MYRF: variants seen among roughly 807,000 people sequenced by gnomAD.
MYRF encodes the protein myelin gene regulatory factor.
A neutral mutation model predicts 126.3 loss-of-function variants in MYRF; 16 were observed. The ratio of observed to expected loss-of-function variants is 0.13; its 90% CI spans 0.09 to 0.19. The LOEUF (loss-of-function observed/expected upper bound fraction) is 0.19. Among genes scored for constraint, MYRF ranks in the 10% least tolerant of loss-of-function variants. The pLI is 1.00. For synonymous variants in MYRF, 608 were observed against 635.3 expected (o/e 0.96, Z 0.65); for missense variants, 1,104 against 1,547.0 (o/e 0.71, Z 4.80).
intron 4 of MYRF, among the ~76,000 whole-genome samples, chr11:61,770,008 G>A (rs891943298): frequency 6.6e-6 from 1 of 152,056 alleles, no homozygotes; most frequent in Non-Finnish European, 1.5e-5. Flanking sequence ...CAGCCTGGGG[G>A]CAGGAGGTGG....
chr11:61,768,331 A>C (rs1489888334), intron 3 of MYRF, among the ~76,000 whole-genome samples: 1 of 152,192 alleles, frequency 6.6e-6, no homozygotes, highest in Non-Finnish European at 1.5e-5. Context: ...TTAACACATT[A>C]CAGAAGGCCT....
rs2135877453 is a variant in MYRF, at chr11:61,781,700, C to T, written c.2892C>T (p.Pro964=). The part of the protein sequence containing the change: ...SLEPLASPAV[P]FPGGQGKAKN... ...AGCCTCTGGCCAGCCCTGCAGTCCCCTTCCCTGGGGGGCAGGGCAAAGCCA... is the reference window on the plus strand; with the variant it reads ...AGCCTCTGGCCAGCCCTGCAGTCCCTTTCCCTGGGGGGCAGGGCAAAGCCA... The change falls in exon 22 of 27, where the codon CCC becomes CCT. Residue 964 remains proline (P), a synonymous_variant. Transcript: ENST00000278836. 2 of 1,613,580 alleles carry T rather than the reference C, an allele frequency of 1.2e-6. No homozygotes were observed. Among genetic ancestry groups the T allele is most frequent in the East Asian group, 2.2e-5 (1 of 44,884 alleles).
rs149402631 is a variant in MYRF, at chr11:61,771,017, G to C, written c.741-483G>C. ...GTTTAGTTCAAAGGAAGGTTCTGCT[G>C]TCAAAACATTTTGTAAACCAGAAGG... On this transcript the variant is annotated intron_variant, in intron 5 of 26. Transcript: ENST00000278836. Among the ~76,000 whole-genome samples the C allele has an allele frequency of 3.0e-3, 453 of 152,344 alleles. 2 individuals carry two copies. Among genetic ancestry groups the C allele is most frequent in the Middle Eastern group, 0.024 (7 of 294 alleles).
chr11:61,755,439 G>T, intron 1 of MYRF: 1 of 1,610,436 alleles, frequency 6.2e-7, no homozygotes. Context: ...CTGGCTTCCA[G>T]CAGGTAACCG....
intron 1 of MYRF, among the ~76,000 whole-genome samples, chr11:61,753,661 C>T (rs745759561): frequency 2.6e-5 from 4 of 151,818 alleles, no homozygotes; most frequent in African/African-American, 9.7e-5. Flanking sequence ...CCCACTTGAC[C>T]GAAAGGAGCC....
chr11:61,779,184 T>C, intron 14 of MYRF, 79 bp from the exon 15 acceptor site: 1 of 1,446,258 alleles, frequency 6.9e-7, no homozygotes, highest in African/African-American at 1.4e-5. Flanking sequence ...TGCCCCCTGA[T>C]GTCTGGCAGC....
chr11:61,774,192 G>A (rs1262474744), intron 8 of MYRF, 30 bp downstream of exon 8: 3 of 1,571,812 alleles, frequency 1.9e-6, no homozygotes, highest in Admixed American at 3.6e-5. Flanking sequence ...AGGAAGGGAG[G>A]GCAGGAGGGC....
At chr11:61,755,831 C>G (rs2065736445) in intron 1 of MYRF, 2 of 472,346 alleles carry the variant, frequency 4.2e-6, no homozygotes, top group Admixed American at 4.8e-5. Flanking sequence ...GTGCAGGGAG[C>G]CTTGGAGGAT....
chr11:61,755,503 G>C (rs1386449940), intron 1 of MYRF: 1 of 1,583,976 alleles, frequency 6.3e-7, no homozygotes, highest in African/African-American at 1.3e-5. Context: ...CACGGGACAG[G>C]GCAGTGTCTG....
intron 1 of MYRF, among the ~76,000 whole-genome samples, chr11:61,762,971 C>G (rs2065941508): frequency 6.6e-6 from 1 of 152,140 alleles, no homozygotes; most frequent in South Asian, 2.1e-4. Context: ...GCCTGAGGCC[C>G]CCTATCCCGA....
Position 61,776,400 on chromosome 11 carries a change from G to T in MYRF, c.1467G>T (p.Met489Ile), listed in dbSNP as rs2066382895. ...LHFSETTANN[M>I]RKKGKPNPDQ... is the part of the protein sequence containing the mutation. ...TCAGCGAGACCACCGCTAACAACATGCGTAAGAAGGGCAAGCCCAACCCGG... is the reference window on the plus strand; with the variant it reads ...TCAGCGAGACCACCGCTAACAACATTCGTAAGAAGGGCAAGCCCAACCCGG... The change falls in exon 10 of 27, where the codon ATG becomes ATT. Residue 489 changes from methionine (M) to isoleucine (I), a missense_variant. Physicochemically the swap from Met to Ile is conservative, Grantham distance 10 (BLOSUM62 1). Transcript: ENST00000278836. This position sits in a 1 kb window ranked among gnomAD's most constrained non-coding sequence, Gnocchi z 4.3. 1 of 1,613,002 alleles carries T rather than the reference G, an allele frequency of 6.2e-7. No individual in the cohort carries two copies.
In MYRF at chr11:61,777,870, G is replaced by A; in HGVS notation, c.1903+25G>A. On this transcript the variant is annotated intron_variant, in intron 13 of 26. Coordinates refer to ENST00000278836, the MANE Select transcript of MYRF (RefSeq NM_001127392.3). The surrounding 1 kb of genome is among the most constrained non-coding windows in gnomAD (Gnocchi z 8.8). Reference sequence around the variant, plus strand: ...GGTAGGGACCGGGCTGGTGCGGACTGGGGTCCGGAAACCCAGAAACCTCGG... The same window carrying A: ...GGTAGGGACCGGGCTGGTGCGGACTAGGGTCCGGAAACCCAGAAACCTCGG... 2 of 1,541,666 alleles carry A rather than the reference G, an allele frequency of 1.3e-6. No individual in the cohort carries two copies. Among genetic ancestry groups the A allele is most frequent in the South Asian group, 1.2e-5 (1 of 83,876 alleles).
intron 16 of MYRF, 57 bp downstream of exon 16, chr11:61,779,627 C>G: frequency 7.0e-7 from 1 of 1,430,604 alleles, no homozygotes; most frequent in African/African-American, 1.4e-5. Flanking sequence ...TTGTGGCCTC[C>G]CTTTCTGGCT....
At chr11:61,770,121 G>A (rs1005230760) in intron 4 of MYRF, 125 bp from the exon 5 acceptor site, 17 of 969,020 alleles carry the variant, frequency 1.8e-5, no homozygotes, top group African/African-American at 1.0e-4. Flanking sequence ...TAGGGTAGGT[G>A]GGGGGCAGCC....
chr11:61,759,864 G>A (rs755233203), intron 1 of MYRF, among the ~76,000 whole-genome samples: 1 of 152,166 alleles, frequency 6.6e-6, no homozygotes, highest in African/African-American at 2.4e-5. Flanking sequence ...GATTTGATGC[G>A]GAGAGGCAAA....
Position 61,777,248 on chromosome 11 carries a change from C to A in MYRF, c.1591-16C>A, listed in dbSNP as rs1458622389. The stretch of plus-strand genomic sequence containing the variant: ...TCCCTATCCCCCAGGACTGATCCAG[C>A]CCCAACTCGCGGTAGGCCTCCAACC... On this transcript the variant is annotated splice_polypyrimidine_tract_variant and intron_variant, in intron 11 of 26. Coordinates refer to ENST00000278836, the MANE Select transcript of MYRF (RefSeq NM_001127392.3). This position sits in a 1 kb window ranked among gnomAD's most constrained non-coding sequence, Gnocchi z 8.8. 3 of 1,608,774 alleles carry A rather than the reference C, an allele frequency of 1.9e-6. No homozygotes were observed. The highest frequency in any genetic ancestry group is 2.5e-6 in the Non-Finnish European group (3 of 1,179,072).
chr11:61,775,408 C>G (rs1004873658), intron 8 of MYRF, among the ~76,000 whole-genome samples: 3 of 152,222 alleles, frequency 2.0e-5, no homozygotes, highest in African/African-American at 7.2e-5. Context: ...AGACTCCATG[C>G]TGGTCCCCTC....
intron 22 of MYRF, 23 bp downstream of exon 22, chr11:61,781,847 T>C (rs1438945293): frequency 6.6e-7 from 1 of 1,512,732 alleles, no homozygotes; most frequent in Non-Finnish European, 8.8e-7. Context: ...CCCCTGACAC[T>C]ACCCAGCCCA....
In MYRF at chr11:61,776,132, C is replaced by T. The variant is rs202041888; in HGVS notation, c.1388C>T (p.Thr463Met). The T allele has an allele frequency of 9.9e-5, 160 of 1,614,026 alleles. No individual in the cohort carries two copies. The highest frequency in any genetic ancestry group is 3.1e-4 in the East Asian group (14 of 44,884). Residue 463 changes from threonine to methionine, a missense_variant and splice_region_variant, in exon 9 of 27, where the codon ACG (threonine) becomes ATG (methionine). Around this residue, in one of 10 missense-constraint regions of MYRF, gnomAD observed 23 missense variants for 26.6 expected, o/e 0.86. Coordinates refer to ENST00000278836, the MANE Select transcript of MYRF (RefSeq NM_001127392.3). The surrounding 1 kb of genome is among the most constrained non-coding windows in gnomAD (Gnocchi z 4.3). Reference protein sequence around the residue: ...DRSKRPFNPVTVNLPPEQVTK... With the variant: ...DRSKRPFNPVMVNLPPEQVTK... ...AGCAAGCGGCCCTTCAACCCGGTCA[C>T]GTGAGTGTCTGACCCTGTTGGGGGT...
Sources: gnomAD v4.1 joint callset for allele counts (sites outside exome capture counted in the v4.1 genomes callset) on GRCh38, gnomAD v4.1.1 for gene constraint, gnomAD v4.1.1 regional missense constraint, Gnocchi (gnomAD v3.1) non-coding constraint, MANE v1.5 for transcripts, NCBI Gene and HGNC (gene_info 2026-07-23, HGNC 2026-07-21) for gene names.